Variants in SHANK2 observed in about 807,000 individuals in gnomAD.
The protein encoded by SHANK2 is SH3 and multiple ankyrin repeat domains 2.
SHANK2 carries 43 observed loss-of-function variants against 133.7 expected under a neutral mutation model. The observed-to-expected ratio is 0.32, with a 90% CI of 0.25 to 0.41. The LOEUF (loss-of-function observed/expected upper bound fraction) is 0.41, where lower values mean the gene tolerates loss of function less well. SHANK2 is among the 10% of genes least tolerant of loss of function. SHANK2 has a pLI of 1.00. For synonymous variants in SHANK2, 1,017 were observed against 952.8 expected, an observed-to-expected ratio of 1.07 and a Z score of -1.24; for missense variants, 1,994 against 2,235.8, an observed-to-expected ratio of 0.89 and a Z score of 2.18.
chr11:71,080,846 C>G (rs1420740676), intron 8 of SHANK2, among the ~76,000 whole-genome samples: 2 of 152,204 alleles, frequency 1.3e-5, no homozygotes, highest in African/African-American at 4.8e-5. Flanking sequence ...TGTGGTCTTC[C>G]TGCTGGCCCA....
intron 15 of SHANK2, among the ~76,000 whole-genome samples, chr11:70,679,066 C>T (rs1212573071): frequency 6.6e-6 from 1 of 152,174 alleles, no homozygotes; most frequent in South Asian, 2.1e-4. Flanking sequence ...ACACCAGGCC[C>T]GTAACAGGTG....
chr11:70,613,455 G>C (rs191923574), intron 17 of SHANK2, among the ~76,000 whole-genome samples: 1 of 152,062 alleles, frequency 6.6e-6, no homozygotes, highest in Non-Finnish European at 1.5e-5. Context: ...CGCCCACCTC[G>C]GCCTCCCAAA....
At chr11:71,189,575 T>C (rs1196614027) in intron 2 of SHANK2, among the ~76,000 whole-genome samples, 1 of 152,176 alleles carries the variant, frequency 6.6e-6, no homozygotes, top group Non-Finnish European at 1.5e-5. Context: ...GTTTTTTTTA[T>C]TTTTTGTAGA....
chr11:71,163,258 G>A (rs1269388856), intron 2 of SHANK2, among the ~76,000 whole-genome samples: 10 of 150,616 alleles, frequency 6.6e-5, no homozygotes, highest in Non-Finnish European at 1.3e-4. Flanking sequence ...TCATTATTGT[G>A]TTTGTCTACT....
At position 70,473,514 on chromosome 11, in the gene SHANK2, G is replaced by A; in HGVS notation, c.4980-75C>T. 1.4e-6 allele frequency: 2 copies of A among 1,462,692 alleles called. No homozygotes were observed. Among genetic ancestry groups the A allele is most frequent in the South Asian group, 1.2e-5 (1 of 86,558 alleles). The allele number at this position is 1,462,692 out of a possible 1,614,324, so 90.6% of individuals were successfully genotyped here. On this transcript the variant is annotated intron_variant, in intron 25 of 25. Coordinates refer to ENST00000601538, the MANE Select transcript of SHANK2 (RefSeq NM_012309.5). This position sits in a 1 kb window ranked among gnomAD's most constrained non-coding sequence, Gnocchi z 5.9. ...GGGCAGCTGGCTGCAGATCACCCAG[G>A]AAGGCGAGGGAGACGCCCAAACCAT...
At chr11:70,781,582 A>ATATATATATATATATATATT (rs1947496621) in intron 14 of SHANK2, among the ~76,000 whole-genome samples, 1 of 126,844 alleles carries the variant, frequency 7.9e-6, no homozygotes, top group Non-Finnish European at 1.7e-5. Flanking sequence ...ATATATATAT[A>ATATATATATATATATATATT]TTTACTTATT....
At chr11:70,788,434 T>A (rs1947716482) in intron 14 of SHANK2, among the ~76,000 whole-genome samples, 1 of 152,194 alleles carries the variant, frequency 6.6e-6, no homozygotes, top group African/African-American at 2.4e-5. Flanking sequence ...CTGAGTAGCG[T>A]GATGTCGAGT....
At chr11:70,914,908 AAAAG>A (rs1314768863) in intron 10 of SHANK2, among the ~76,000 whole-genome samples, 16 of 150,866 alleles carry the variant, frequency 1.1e-4, no homozygotes, top group South Asian at 8.3e-4. Context: ...AAAAAAAAAA[AAAAG>A]AAAGAAAGAA....
chr11:70,667,436 G>A (rs782325788), intron 15 of SHANK2, among the ~76,000 whole-genome samples: 36 of 152,276 alleles, frequency 2.4e-4, no homozygotes, highest in Middle Eastern at 3.4e-3. Flanking sequence ...GGATGGCCAC[G>A]CAGCAGGCCC....
chr11:70,679,140 T>C (rs1944971904), intron 15 of SHANK2, among the ~76,000 whole-genome samples: 1 of 152,234 alleles, frequency 6.6e-6, no homozygotes, highest in East Asian at 1.9e-4. Context: ...CGCTGGGCTC[T>C]GGCAGGCCGG....
At chr11:71,150,840 G>A (rs577712234) in intron 2 of SHANK2, among the ~76,000 whole-genome samples, 32 of 152,180 alleles carry the variant, frequency 2.1e-4, no homozygotes, top group Admixed American at 1.8e-3. Flanking sequence ...ATGACAGCAC[G>A]AGCCAAGAAA....
At chr11:71,123,100 A>G (rs1198896331) in intron 3 of SHANK2, among the ~76,000 whole-genome samples, 1 of 152,162 alleles carries the variant, frequency 6.6e-6, no homozygotes, top group East Asian at 1.9e-4. Flanking sequence ...TGTTCACACC[A>G]GCTCCCGGCA....
chr11:70,919,245 G>A lies in SHANK2; in HGVS notation c.1108-22678C>T, dbSNP rs988775021. Among the ~76,000 whole-genome samples, 14 of 152,230 alleles carry A rather than the reference G, an allele frequency of 9.2e-5. No individual in the cohort carries two copies. In the East Asian group the frequency reaches 1.7e-3, roughly 19 times the overall value. On this transcript the variant is annotated intron_variant, in intron 10 of 25. Transcript: ENST00000601538. ...AATCGAGCTGATGAACACGCACACC[G>A]CCTCACATGCTGACCATCTTTTTGT...
chr11:70,690,695 A>G (rs1206963983), intron 15 of SHANK2, among the ~76,000 whole-genome samples: 3 of 146,986 alleles, frequency 2.0e-5, no homozygotes, highest in Non-Finnish European at 3.0e-5. Context: ...AAATATAAAT[A>G]TAAATATAAA....
chr11:71,066,093 G>C (rs1951054962), intron 9 of SHANK2, among the ~76,000 whole-genome samples: 1 of 46,754 alleles, frequency 2.1e-5, no homozygotes, highest in African/African-American at 8.0e-5. Flanking sequence ...AAGTTGGTGG[G>C]GGGGGTGTGT....
rs1415988066 is a variant in SHANK2, at chr11:71,076,693, T to A, written c.913-1418A>T. ...CTTCTTCTGGGAACTCCACCTGCGT[T>A]TGCCTTTGGGGGCTACCCCAGCTCC... On this transcript the variant is annotated intron_variant, in intron 8 of 25. Coordinates refer to ENST00000601538, the MANE Select transcript of SHANK2 (RefSeq NM_012309.5). Among the ~76,000 whole-genome samples the A allele has an allele frequency of 2.6e-5, 4 of 152,288 alleles. No individual in the cohort carries two copies. The East Asian group carries it at 7.8e-4, about 30-fold the overall frequency.
chr11:71,226,962 A>T (rs1448924621), intron 1 of SHANK2, among the ~76,000 whole-genome samples: 1 of 152,164 alleles, frequency 6.6e-6, no homozygotes, highest in Non-Finnish European at 1.5e-5. Flanking sequence ...ATATTTAACA[A>T]GTATAAATGG....
chr11:71,077,710 G>A (rs1323091317), intron 8 of SHANK2, among the ~76,000 whole-genome samples: 5 of 152,250 alleles, frequency 3.3e-5, no homozygotes, highest in Middle Eastern at 3.4e-3. Flanking sequence ...TGCCATGCAG[G>A]GGGGTGAGGG....
chr11:70,564,869 T>C (rs7931175), intron 17 of SHANK2, among the ~76,000 whole-genome samples: 146,101 of 152,298 alleles, frequency 0.96, 70,370 homozygotes, highest in East Asian at 1. Flanking sequence ...TGCTAAAATA[T>C]ATACAACAAA....
Sources: allele counts gnomAD v4.1 joint callset (sites outside exome capture counted in the v4.1 genomes callset), GRCh38; gene constraint gnomAD v4.1.1; non-coding constraint Gnocchi (gnomAD v3.1); transcripts MANE v1.5; gene names NCBI Gene and HGNC (gene_info 2026-07-23, HGNC 2026-07-21).